JMY: variants seen among roughly 807,000 people sequenced by gnomAD.
JMY encodes junction-mediating and -regulatory protein.
Under a neutral mutation model 103.3 loss-of-function variants are expected in JMY, and 46 were observed. The ratio of observed to expected loss-of-function variants is 0.45; its 90% CI spans 0.35 to 0.57. The LOEUF is 0.57. Ranked by LOEUF, JMY falls within the 20% of genes least tolerant of loss-of-function variation. JMY has a pLI of 0.00. For missense variants in JMY, 1,238 were observed against 1,255.2 expected (o/e 0.99, Z 0.21); for synonymous variants, 526 against 489.3 (o/e 1.07, Z -0.99).
At chr5:79,250,331 T>G (rs1165282851) in intron 1 of JMY, among the ~76,000 whole-genome samples, 2 of 152,214 alleles carry the variant, frequency 1.3e-5, no homozygotes, top group Admixed American at 6.5e-5. Flanking sequence ...GTGTATACAT[T>G]ATTATATTCG....
At chr5:79,264,127 C>G (rs1173568020) in intron 1 of JMY, among the ~76,000 whole-genome samples, 1 of 151,852 alleles carries the variant, frequency 6.6e-6, no homozygotes, top group African/African-American at 2.4e-5. Flanking sequence ...CTCTGGTTGC[C>G]CAGGGTAGAG....
At chr5:79,299,078 C>A (rs976059698) in intron 4 of JMY, among the ~76,000 whole-genome samples, 1 of 152,186 alleles carries the variant, frequency 6.6e-6, no homozygotes, top group Non-Finnish European at 1.5e-5. Context: ...TAATAATTTT[C>A]CCTTTTGTTC....
chr5:79,270,518 A>G lies in JMY; in HGVS notation c.1033-7392A>G, dbSNP rs1444244230. 2.2e-5 allele frequency among the ~76,000 whole-genome samples: 2 copies of G among 89,682 alleles called. 1 individual carries two copies. Among genetic ancestry groups the G allele is most frequent in the African/African-American group, 7.0e-5 (2 of 28,474 alleles). The allele number at this position is 89,682 out of a possible 152,430, so 58.8% of individuals were successfully genotyped here. Reference sequence around the variant, plus strand: ...AAAATATATATTTACATAAATATTTAAAATATATATTTACATAAATATTTA... The same window carrying G: ...AAAATATATATTTACATAAATATTTGAAATATATATTTACATAAATATTTA... On this transcript the variant is annotated intron_variant, in intron 1 of 10. Coordinates refer to ENST00000396137, the MANE Select transcript of JMY (RefSeq NM_152405.5).
chr5:79,269,223 G>C (rs992518969), intron 1 of JMY, among the ~76,000 whole-genome samples: 2 of 152,150 alleles, frequency 1.3e-5, no homozygotes, highest in African/African-American at 4.8e-5. Context: ...CTATTGAATT[G>C]TCTTTGCTCT....
chr5:79,246,545 A>G (rs1157968928), intron 1 of JMY, among the ~76,000 whole-genome samples: 1 of 152,148 alleles, frequency 6.6e-6, no homozygotes, highest in Non-Finnish European at 1.5e-5. Context: ...TAGCTTCTTC[A>G]TCTGTAGAGA....
At chr5:79,244,934 G>C (rs529258979) in intron 1 of JMY, among the ~76,000 whole-genome samples, 3 of 151,540 alleles carry the variant, frequency 2.0e-5, no homozygotes, top group Non-Finnish European at 4.4e-5. Context: ...GCATATCTAA[G>C]TTATTAAACT....
chr5:79,318,757 TATATAGAG>T (rs1420709260), intron 10 of JMY, among the ~76,000 whole-genome samples: 12 of 24,718 alleles, frequency 4.9e-4, no homozygotes, highest in Admixed American at 2.0e-3. Context: ...TATATATATA[TATATAGAG>T]AGAGAGAGAG....
At chr5:79,284,706 A>C (rs560638836) in intron 2 of JMY, 1 of 1,592,548 alleles carries the variant, frequency 6.3e-7, no homozygotes, top group Admixed American at 1.7e-5. Flanking sequence ...GCAAATCAGC[A>C]AGACTCACTT....
At chr5:79,269,903 T>A (rs79634022) in intron 1 of JMY, among the ~76,000 whole-genome samples, 5,226 of 151,400 alleles carry the variant, frequency 0.035, 110 homozygotes, top group South Asian at 0.069. Context: ...AATTAAAAAA[T>A]TTTTTTTTGT....
At chr5:79,255,836 A>G (rs573282963) in intron 1 of JMY, among the ~76,000 whole-genome samples, 21 of 152,316 alleles carry the variant, frequency 1.4e-4, no homozygotes, top group Admixed American at 1.3e-3. Flanking sequence ...GAGGGACACA[A>G]GCACTCCTGT....
At chr5:79,277,115 A>G (rs1436833205) in intron 1 of JMY, among the ~76,000 whole-genome samples, 1 of 152,062 alleles carries the variant, frequency 6.6e-6, no homozygotes, top group Non-Finnish European at 1.5e-5. Context: ...TAAAAGAACC[A>G]TGGGGAAAAG....
chr5:79,302,659 T>A (rs1374323190), intron 6 of JMY, among the ~76,000 whole-genome samples: 1 of 152,156 alleles, frequency 6.6e-6, no homozygotes, highest in East Asian at 1.9e-4. Flanking sequence ...GGGGACCAAG[T>A]TATGGGAAAT....
chr5:79,275,192 C>T (rs1318392831), intron 1 of JMY, among the ~76,000 whole-genome samples: 1 of 144,058 alleles, frequency 6.9e-6, no homozygotes, highest in Non-Finnish European at 1.5e-5. Flanking sequence ...GAGTCTTGCT[C>T]TGTTGCCCAC....
chr5:79,273,834 T>A (rs1235756969), intron 1 of JMY, among the ~76,000 whole-genome samples: 1 of 152,128 alleles, frequency 6.6e-6, no homozygotes, highest in Admixed American at 6.6e-5. Flanking sequence ...TTGTTTTTTT[T>A]TCTTTTTTCT....
At chr5:79,281,084 G>T (rs893405359) in intron 2 of JMY, among the ~76,000 whole-genome samples, 2 of 151,228 alleles carry the variant, frequency 1.3e-5, no homozygotes, top group African/African-American at 2.4e-5. Context: ...TCGCTCTGTT[G>T]CCCAGGCTGG....
chr5:79,237,248 A>G lies in JMY; in HGVS notation c.598A>G (p.Lys200Glu). ...GGAGATAGAGGTGCTGGAAATGGTG[A>G]AGGAGGACGAGGCACCTCTGGCGCT... ...SEEIEVLEMV[K>E]EDEAPLALSD... Residue 200 changes from lysine to glutamate, a missense_variant, in exon 1 of 11, where the codon AAG becomes GAG. By Grantham distance (56) the Lys-to-Glu change is moderately conservative. Coordinates refer to ENST00000396137, the MANE Select transcript of JMY (RefSeq NM_152405.5). 1 of 1,550,748 alleles carries G rather than the reference A, an allele frequency of 6.4e-7. No individual in the cohort carries two copies. Among genetic ancestry groups the G allele is most frequent in the Non-Finnish European group, 8.7e-7 (1 of 1,147,008 alleles).
At chr5:79,261,665 C>G (rs575620671) in intron 1 of JMY, among the ~76,000 whole-genome samples, 1 of 152,188 alleles carries the variant, frequency 6.6e-6, no homozygotes, top group Non-Finnish European at 1.5e-5. Context: ...TGCCCTTTCC[C>G]CTTTAAATTT....
At chr5:79,270,626 T>C (rs1328547469) in intron 1 of JMY, among the ~76,000 whole-genome samples, 2 of 138,044 alleles carry the variant, frequency 1.4e-5, no homozygotes, top group South Asian at 2.3e-4. Context: ...TTATATAAAA[T>C]ATATTTACAT....
intron 1 of JMY, among the ~76,000 whole-genome samples, chr5:79,242,854 G>C (rs1222998372): frequency 6.6e-6 from 1 of 151,120 alleles, no homozygotes; most frequent in Non-Finnish European, 1.5e-5. Context: ...CAGTATCTCA[G>C]CTCACTGCAA....
Sources: allele counts gnomAD v4.1 joint callset (sites outside exome capture counted in the v4.1 genomes callset), GRCh38; gene constraint gnomAD v4.1.1; transcripts MANE v1.5; gene names NCBI Gene and HGNC (gene_info 2026-07-23, HGNC 2026-07-21).